The following FOXP2 variants were observed in gnomAD, a reference collection of about 807,000 sequenced individuals.
The protein encoded by FOXP2 is forkhead box protein P2.
In FOXP2, 12 loss-of-function variants were observed where a neutral mutation model predicts 115.8. The observed-to-expected ratio is 0.10, with a 90% CI of 0.07 to 0.17. The LOEUF is 0.17. Ranked by LOEUF, FOXP2 falls within the 10% of genes least tolerant of loss-of-function variation. The probability of loss-of-function intolerance (pLI) is 1.00; values close to 1 mark genes in which losing one functional copy is unlikely to be tolerated. For synonymous variants in FOXP2, 328 were observed against 297.7 expected, an observed-to-expected ratio of 1.10 and a Z score of -1.05; for missense variants, 629 against 843.5, an observed-to-expected ratio of 0.75 and a Z score of 3.15.
At chr7:114,614,088 T>C (rs1803788797) in intron 3 of FOXP2, among the ~76,000 whole-genome samples, 1 of 152,226 alleles carries the variant, frequency 6.6e-6, no homozygotes, top group African/African-American at 2.4e-5. Context: ...GATAAGTTTT[T>C]AGAAGTAGAA....
At chr7:114,576,836 T>C (rs752127578) in intron 3 of FOXP2, among the ~76,000 whole-genome samples, 22 of 151,988 alleles carry the variant, frequency 1.4e-4, no homozygotes, top group Non-Finnish European at 2.8e-4. Flanking sequence ...TTACTATTTG[T>C]ATTTCTGTTC....
At chr7:114,345,206 T>C (rs1791318402) in intron 2 of FOXP2, among the ~76,000 whole-genome samples, 1 of 151,772 alleles carries the variant, frequency 6.6e-6, no homozygotes, top group Non-Finnish European at 1.5e-5. Context: ...TGAGTAAAAA[T>C]AAGCAATAGT....
intron 2 of FOXP2, among the ~76,000 whole-genome samples, chr7:114,357,335 A>C (rs145338014): frequency 3.7e-4 from 56 of 152,338 alleles, no homozygotes; most frequent in African/African-American, 1.3e-3. Flanking sequence ...AATGCAGTTC[A>C]AACGATGAAA....
intron 2 of FOXP2, among the ~76,000 whole-genome samples, chr7:114,525,829 T>G (rs936226528): frequency 7.2e-5 from 11 of 152,084 alleles, no homozygotes; most frequent in African/African-American, 2.7e-4. Flanking sequence ...TTACGATTTT[T>G]GGCCAGGCGT....
chr7:114,685,471 C>T (rs900457474), intron 16 of FOXP2, among the ~76,000 whole-genome samples: 7 of 152,078 alleles, frequency 4.6e-5, no homozygotes, highest in African/African-American at 1.2e-4. Flanking sequence ...ACTTCAGTTT[C>T]GTTAACTATC....
intron 1 of FOXP2, among the ~76,000 whole-genome samples, chr7:114,233,211 A>G (rs542322404): frequency 6.6e-6 from 1 of 152,360 alleles, no homozygotes; most frequent in East Asian, 1.9e-4. Context: ...ATTTCTCCAT[A>G]TAGATAGTAT....
intron 1 of FOXP2, among the ~76,000 whole-genome samples, chr7:114,271,017 A>C (rs1424324429): frequency 2.0e-5 from 3 of 151,964 alleles, no homozygotes; most frequent in Non-Finnish European, 4.4e-5. Flanking sequence ...CACATGTTGA[A>C]AAGACCATCT....
At chr7:114,457,849 G>A (rs1795384021) in intron 2 of FOXP2, among the ~76,000 whole-genome samples, 1 of 147,892 alleles carries the variant, frequency 6.8e-6, no homozygotes, top group Non-Finnish European at 1.5e-5. Context: ...AGTGAGCCGA[G>A]ATCGTGCCAC....
At chr7:114,362,840 A>G (rs1167598213) in intron 2 of FOXP2, among the ~76,000 whole-genome samples, 1 of 152,162 alleles carries the variant, frequency 6.6e-6, no homozygotes, top group African/African-American at 2.4e-5. Flanking sequence ...GTGAACAAGT[A>G]AGGGGACAAA....
At chr7:114,504,714 C>G (rs1446743070) in intron 2 of FOXP2, among the ~76,000 whole-genome samples, 1 of 151,594 alleles carries the variant, frequency 6.6e-6, no homozygotes, top group Non-Finnish European at 1.5e-5. Context: ...AAATTATGCA[C>G]ATAGACAGAT....
chr7:114,641,312 C>G (rs1805516217), intron 6 of FOXP2, among the ~76,000 whole-genome samples: 1 of 152,136 alleles, frequency 6.6e-6, no homozygotes, highest in Non-Finnish European at 1.5e-5. Flanking sequence ...TACTTTATTT[C>G]AAATTCATAG....
intron 1 of FOXP2, among the ~76,000 whole-genome samples, chr7:114,241,804 A>G (rs931714414): frequency 6.6e-6 from 1 of 151,756 alleles, no homozygotes; most frequent in African/African-American, 2.4e-5. Context: ...GTAGGGAATG[A>G]CATAATTAAA....
At chr7:114,311,164 A>G (rs1584627228) in intron 2 of FOXP2, among the ~76,000 whole-genome samples, 1 of 152,106 alleles carries the variant, frequency 6.6e-6, no homozygotes, top group African/African-American at 2.4e-5. Context: ...CCACCTGACC[A>G]TCACTTGATG....
At chr7:114,483,852 G>A (rs1796659039) in intron 2 of FOXP2, among the ~76,000 whole-genome samples, 1 of 151,660 alleles carries the variant, frequency 6.6e-6, no homozygotes, top group Admixed American at 6.6e-5. Context: ...AATTAAATTA[G>A]ATGTGCATTT....
chr7:114,261,794 C>G (rs980262259), intron 1 of FOXP2, among the ~76,000 whole-genome samples: 2 of 152,166 alleles, frequency 1.3e-5, no homozygotes, highest in Non-Finnish European at 2.9e-5. Flanking sequence ...GCCTTATTCT[C>G]ACACCTGTAA....
intron 2 of FOXP2, among the ~76,000 whole-genome samples, chr7:114,385,192 T>A (rs1562897578): frequency 6.6e-6 from 1 of 151,994 alleles, no homozygotes; most frequent in Non-Finnish European, 1.5e-5. Context: ...TAAGACTCCC[T>A]GGGTTATAGC....
chr7:114,408,822 G>A (rs896156998), intron 2 of FOXP2, among the ~76,000 whole-genome samples: 7 of 152,080 alleles, frequency 4.6e-5, no homozygotes, highest in African/African-American at 1.7e-4. Flanking sequence ...TTTAAAGAAA[G>A]TACTTGGTAC....
intron 1 of FOXP2, among the ~76,000 whole-genome samples, chr7:114,233,196 T>G (rs556898255): frequency 2.0e-5 from 3 of 152,332 alleles, no homozygotes; most frequent in Admixed American, 6.5e-5. Flanking sequence ...GAGAAATGCC[T>G]GGTAATTTCT....
At chr7:114,605,937 A>G (rs1803296086) in intron 3 of FOXP2, among the ~76,000 whole-genome samples, 1 of 152,184 alleles carries the variant, frequency 6.6e-6, no homozygotes. Flanking sequence ...AGTAGTATTG[A>G]TTGGAGATGC....
Sources: allele counts gnomAD v4.1 joint callset (sites outside exome capture counted in the v4.1 genomes callset), GRCh38; gene constraint gnomAD v4.1.1; transcripts MANE v1.5; gene names NCBI Gene and HGNC (gene_info 2026-07-23, HGNC 2026-07-21).